GPR176: variants seen among roughly 807,000 people sequenced by gnomAD.
The protein encoded by GPR176 is G-protein coupled receptor 176.
GPR176 carries 26 observed loss-of-function variants against 35.4 expected under a neutral mutation model. The observed-to-expected ratio is 0.74, with a 90% CI of 0.54 to 1.02. The LOEUF is 1.02. Ranked by LOEUF, GPR176 falls within the 50% of genes least tolerant of loss-of-function variation. The probability of loss-of-function intolerance (pLI) is 0.00; values close to 1 mark genes in which losing one functional copy is unlikely to be tolerated. For missense variants in GPR176, 597 were observed against 665.3 expected (o/e 0.90, Z 1.13); for synonymous variants, 278 against 271.3 (o/e 1.02, Z -0.24).
intron 1 of GPR176, among the ~76,000 whole-genome samples, chr15:39,836,880 C>T (rs1901430292): frequency 6.6e-6 from 1 of 152,078 alleles, no homozygotes; most frequent in Non-Finnish European, 1.5e-5. Context: ...GGATTCATGG[C>T]AAATAACAAT....
chr15:39,889,183 T>A (rs566488399), intron 1 of GPR176, among the ~76,000 whole-genome samples: 84 of 152,268 alleles, frequency 5.5e-4, no homozygotes, highest in Non-Finnish European at 8.8e-4. Context: ...CAATTCTACC[T>A]CCTCCTCCAT....
intron 1 of GPR176, among the ~76,000 whole-genome samples, chr15:39,863,777 T>A (rs2031710584): frequency 6.6e-6 from 1 of 152,226 alleles, no homozygotes; most frequent in African/African-American, 2.4e-5. Flanking sequence ...CACAAATACT[T>A]AACCACTGTG....
At chr15:39,886,368 G>A (rs2032674690) in intron 1 of GPR176, among the ~76,000 whole-genome samples, 1 of 152,204 alleles carries the variant, frequency 6.6e-6, no homozygotes, top group African/African-American at 2.4e-5. Flanking sequence ...CACCCACCTA[G>A]AAGCAGCACA....
At chr15:39,913,354 G>T (rs2140879684) in intron 1 of GPR176, among the ~76,000 whole-genome samples, 1 of 152,186 alleles carries the variant, frequency 6.6e-6, no homozygotes, top group South Asian at 2.1e-4. Flanking sequence ...AGACCAGCCT[G>T]GGCAATGTGG....
chr15:39,832,621 A>C (rs553304879), intron 1 of GPR176, among the ~76,000 whole-genome samples: 27 of 151,316 alleles, frequency 1.8e-4, no homozygotes, highest in African/African-American at 6.5e-4. Flanking sequence ...CCACACATAA[A>C]ACATGCTAAC....
intron 1 of GPR176, among the ~76,000 whole-genome samples, chr15:39,877,550 C>CTT (rs56071903): frequency 4.6e-5 from 6 of 131,656 alleles, no homozygotes; most frequent in East Asian, 2.2e-4. Context: ...TCTTCTTCTT[C>CTT]TTTTTTTTTT....
chr15:39,919,542 A>T (rs1329749267), intron 1 of GPR176, among the ~76,000 whole-genome samples: 1 of 152,222 alleles, frequency 6.6e-6, no homozygotes, highest in Non-Finnish European at 1.5e-5. Flanking sequence ...TTTGTAAACA[A>T]GAGCTGAAGC....
At chr15:39,833,635 C>T (rs1901228397) in intron 1 of GPR176, among the ~76,000 whole-genome samples, 1 of 152,160 alleles carries the variant, frequency 6.6e-6, no homozygotes, top group Non-Finnish European at 1.5e-5. Context: ...ATACAACAAA[C>T]AGCAGTGATT....
At chr15:39,842,779 T>C (rs1001763098) in intron 1 of GPR176, among the ~76,000 whole-genome samples, 6 of 152,046 alleles carry the variant, frequency 3.9e-5, no homozygotes, top group African/African-American at 1.4e-4. Context: ...CCACCTAGTT[T>C]ATGGTATTTT....
At chr15:39,869,604 T>G (rs2031971165) in intron 1 of GPR176, among the ~76,000 whole-genome samples, 1 of 152,202 alleles carries the variant, frequency 6.6e-6, no homozygotes, top group Non-Finnish European at 1.5e-5. Flanking sequence ...TCATCTTCAT[T>G]TCCTCACATT....
chr15:39,910,084 G>A (rs2033535987), intron 1 of GPR176, among the ~76,000 whole-genome samples: 1 of 152,200 alleles, frequency 6.6e-6, no homozygotes, highest in Non-Finnish European at 1.5e-5. Flanking sequence ...AATATTGCTA[G>A]GAGGAAGGGA....
chr15:39,887,475 G>C (rs1027015336), intron 1 of GPR176, among the ~76,000 whole-genome samples: 1 of 152,002 alleles, frequency 6.6e-6, no homozygotes, highest in African/African-American at 2.4e-5. Flanking sequence ...CATCCAACAG[G>C]TGAGAAACAG....
intron 1 of GPR176, among the ~76,000 whole-genome samples, chr15:39,890,323 G>A (rs2032825549): frequency 6.6e-6 from 1 of 152,148 alleles, no homozygotes; most frequent in African/African-American, 2.4e-5. Context: ...CGGGTTTTTT[G>A]CAGGTCACTA....
At chr15:39,803,935 T>C (rs1039959722) in intron 2 of GPR176, among the ~76,000 whole-genome samples, 4 of 152,216 alleles carry the variant, frequency 2.6e-5, no homozygotes, top group Admixed American at 2.0e-4. Flanking sequence ...TCTAGATTTC[T>C]TTCTGGGAGG....
chr15:39,857,719 A>G (rs1436214472), intron 1 of GPR176, among the ~76,000 whole-genome samples: 1 of 152,108 alleles, frequency 6.6e-6, no homozygotes, highest in Non-Finnish European at 1.5e-5. Flanking sequence ...CTGTAATCCC[A>G]GCACTTTGGA....
intron 1 of GPR176, among the ~76,000 whole-genome samples, chr15:39,822,264 GATA>G (rs373599428): frequency 7.8e-4 from 119 of 152,332 alleles, no homozygotes; most frequent in African/African-American, 2.8e-3. Flanking sequence ...GAAATTATGA[GATA>G]ATAACTGTTG....
intron 1 of GPR176, among the ~76,000 whole-genome samples, chr15:39,817,192 G>A (rs746396180): frequency 4.6e-5 from 7 of 150,840 alleles, no homozygotes; most frequent in Middle Eastern, 3.4e-3. Context: ...TAATCAAGAC[G>A]GAAAAAAACT....
At chr15:39,841,659 G>C (rs534118209) in intron 1 of GPR176, among the ~76,000 whole-genome samples, 1 of 152,224 alleles carries the variant, frequency 6.6e-6, no homozygotes, top group African/African-American at 2.4e-5. Flanking sequence ...GGACAGCGTG[G>C]TCCTGCCAAC....
At chr15:39,837,096 G>A (rs1042347120) in intron 1 of GPR176, among the ~76,000 whole-genome samples, 6 of 152,106 alleles carry the variant, frequency 3.9e-5, no homozygotes, top group Admixed American at 6.6e-5. Context: ...TCTAGGGAAG[G>A]ACTTTCACAA....
Sources: gnomAD v4.1 joint callset for allele counts (sites outside exome capture counted in the v4.1 genomes callset) on GRCh38, gnomAD v4.1.1 for gene constraint, MANE v1.5 for transcripts, NCBI Gene and HGNC (gene_info 2026-07-23, HGNC 2026-07-21) for gene names.